The following GPA33 variants were observed in gnomAD, a reference collection of about 807,000 sequenced individuals.
The protein encoded by GPA33 is cell surface A33 antigen.
GPA33 carries 27 observed loss-of-function variants against 35.6 expected under a neutral mutation model. The observed-to-expected ratio is 0.76, with a 90% CI of 0.56 to 1.04. The LOEUF (loss-of-function observed/expected upper bound fraction) is 1.04. Among genes scored for constraint, GPA33 ranks in the 50% least tolerant of loss-of-function variants. The pLI is 0.00. For missense variants in GPA33, 428 were observed against 411.9 expected (o/e 1.04, Z -0.34); for synonymous variants, 176 against 164.0 (o/e 1.07, Z -0.56).
chr1:167,087,033 T>C (rs532748587), intron 1 of GPA33, among the ~76,000 whole-genome samples: 4 of 152,224 alleles, frequency 2.6e-5, no homozygotes, highest in African/African-American at 9.6e-5. Context: ...ATCAAATCTT[T>C]CATGAAGTCT....
Position 167,054,055 on chromosome 1 carries a change from A to C in GPA33, c.*279T>G. On this transcript the variant is annotated 3_prime_UTR_variant, in exon 7 of 7. Transcript: ENST00000367868. Reference sequence around the variant, plus strand: ...AGGAGCTCCTGCCAACTACGAGGGAAGTGGAGGCTGCAGCCTGGTCTTGAG... The same window carrying C: ...AGGAGCTCCTGCCAACTACGAGGGACGTGGAGGCTGCAGCCTGGTCTTGAG... The C allele has an allele frequency of 6.6e-5, 28 of 422,738 alleles. No homozygotes were observed. The highest frequency in any genetic ancestry group is 9.6e-5 in the East Asian group (2 of 20,788). 26.2% of individuals were successfully genotyped at this position (422,738 alleles called of 1,614,324 possible). A position where few individuals can be genotyped will look rare whatever the true frequency, so the allele number is the denominator to read the frequency against.
chr1:167,060,917 A>G (rs558167704), intron 4 of GPA33, among the ~76,000 whole-genome samples: 2 of 152,188 alleles, frequency 1.3e-5, no homozygotes, highest in African/African-American at 2.4e-5. Context: ...CCTGTTCTCC[A>G]TGCCAAGCCT....
chr1:167,073,881 TG>T (rs1417789660), intron 1 of GPA33, among the ~76,000 whole-genome samples: 2 of 152,104 alleles, frequency 1.3e-5, no homozygotes, highest in Non-Finnish European at 2.9e-5. Context: ...CTTGATTTAT[TG>T]GGAAAATTAA....
intron 2 of GPA33, among the ~76,000 whole-genome samples, chr1:167,070,144 G>A (rs60682981): frequency 0.015 from 2,288 of 152,206 alleles, 66 homozygotes; most frequent in African/African-American, 0.052. Flanking sequence ...AGTAAGTGTT[G>A]GAGTAGGATA....
intron 1 of GPA33, chr1:167,082,234 A>G: frequency 2.2e-6 from 1 of 455,806 alleles, no homozygotes; most frequent in South Asian, 1.5e-5. Context: ...TACAGTATTA[A>G]TAACAGTTAC....
Position 167,055,765 on chromosome 1 carries a change from G to A in GPA33, c.656C>T (p.Thr219Met), listed in dbSNP as rs199627740. The change falls in exon 5 of 7, where the codon ACG becomes ATG. Residue 219 changes from threonine (T) to methionine (M), a missense_variant. Transcript: ENST00000367868. The part of the protein sequence containing the change: ...YICTSSNEEG[T>M]QFCNITVAVR... ...GGCCACCGTGATGTTGCAGAACTGC[G>A]TCCCCTCCTCATTGCTGGAGGTACA... 6.3e-5 allele frequency: 101 copies of A among 1,613,870 alleles called. 1 individual carries two copies. In the South Asian group the frequency reaches 6.8e-4, roughly 11 times the overall value.
intron 4 of GPA33, among the ~76,000 whole-genome samples, chr1:167,056,810 T>TGTGATGC (rs1208482219): frequency 4.6e-5 from 4 of 87,220 alleles, no homozygotes; most frequent in Admixed American, 2.2e-4. Flanking sequence ...GTGTGGTGTG[T>TGTGATGC]ATGTGGCAGC....
At chr1:167,068,402 A>G (rs1367113490) in intron 3 of GPA33, among the ~76,000 whole-genome samples, 1 of 152,220 alleles carries the variant, frequency 6.6e-6, no homozygotes, top group African/African-American at 2.4e-5. Flanking sequence ...TCCTATGAAA[A>G]GAATGTTATC....
intron 1 of GPA33, 38 bp from the exon 2 acceptor site, chr1:167,073,577 G>C (rs779435476): frequency 6.4e-7 from 1 of 1,564,428 alleles, no homozygotes; most frequent in Non-Finnish European, 8.7e-7. Flanking sequence ...AAAAGTAAGC[G>C]ACACGGACAG....
intron 4 of GPA33, among the ~76,000 whole-genome samples, chr1:167,056,707 GTAGT>G (rs1327585880): frequency 2.2e-3 from 4 of 1,858 alleles, no homozygotes; most frequent in Admixed American, 9.3e-3. Context: ...TGTGGTGTGT[GTAGT>G]GTGTGTGTAG....
At chr1:167,082,731 T>C (rs1666976383) in intron 1 of GPA33, among the ~76,000 whole-genome samples, 1 of 152,152 alleles carries the variant, frequency 6.6e-6, no homozygotes, top group South Asian at 2.1e-4. Flanking sequence ...AGCCAACAGA[T>C]ATACGTTTTA....
chr1:167,063,765 G>A, intron 3 of GPA33, 28 bp from the exon 4 acceptor site: 1 of 1,600,702 alleles, frequency 6.2e-7, no homozygotes, highest in African/African-American at 1.3e-5. Context: ...CAAAGAGAAG[G>A]CATGAGGCAG....
chr1:167,055,142 G>T, intron 5 of GPA33, 31 bp from the exon 6 acceptor site: 1 of 1,608,178 alleles, frequency 6.2e-7, no homozygotes. Context: ...TGCACTTGCC[G>T]AGCTTCTAAG....
At chr1:167,075,722 C>T (rs2102194611) in intron 1 of GPA33, among the ~76,000 whole-genome samples, 1 of 152,264 alleles carries the variant, frequency 6.6e-6, no homozygotes, top group African/African-American at 2.4e-5. Flanking sequence ...TGTTGAGGAT[C>T]ACTAAGGAAG....
chr1:167,059,497 C>A (rs995872720), intron 4 of GPA33, among the ~76,000 whole-genome samples: 2 of 152,020 alleles, frequency 1.3e-5, no homozygotes, highest in African/African-American at 4.8e-5. Context: ...CTACCCAATC[C>A]TGTAGCTTGT....
chr1:167,066,597 T>C (rs974439534), intron 3 of GPA33, among the ~76,000 whole-genome samples: 1 of 152,120 alleles, frequency 6.6e-6, no homozygotes, highest in African/African-American at 2.4e-5. Flanking sequence ...ATCAAACAGA[T>C]CTTTAACAGA....
At chr1:167,079,597 G>T (rs926899364) in intron 1 of GPA33, among the ~76,000 whole-genome samples, 1 of 151,972 alleles carries the variant, frequency 6.6e-6, no homozygotes, top group South Asian at 2.1e-4. Context: ...CTCATCCTGT[G>T]CCCTGAGGCA....
intron 1 of GPA33, among the ~76,000 whole-genome samples, chr1:167,074,106 G>C (rs1325793067): frequency 6.7e-6 from 1 of 149,970 alleles, no homozygotes; most frequent in Non-Finnish European, 1.5e-5. Flanking sequence ...TCTCGTATGA[G>C]TTTATCAGAA....
At chr1:167,077,556 C>T (rs1385145196) in intron 1 of GPA33, among the ~76,000 whole-genome samples, 1 of 152,184 alleles carries the variant, frequency 6.6e-6, no homozygotes, top group Non-Finnish European at 1.5e-5. Flanking sequence ...CTGGCAGAAC[C>T]TAAATGGCCC....
Sources: allele counts gnomAD v4.1 joint callset (sites outside exome capture counted in the v4.1 genomes callset), GRCh38; gene constraint gnomAD v4.1.1; transcripts MANE v1.5; gene names NCBI Gene and HGNC (gene_info 2026-07-23, HGNC 2026-07-21).